The following FSTL5 variants were observed in gnomAD, a reference collection of about 807,000 sequenced individuals.
FSTL5 encodes the protein follistatin like 5.
In FSTL5, 62 loss-of-function variants were observed where a neutral mutation model predicts 89.1. The observed-to-expected ratio is 0.70, with a 90% CI of 0.57 to 0.86. The LOEUF is 0.86. FSTL5 is among the 40% of genes least tolerant of loss of function. The probability of loss-of-function intolerance (pLI) is 0.00; values close to 1 mark genes in which losing one functional copy is unlikely to be tolerated. For missense variants in FSTL5, 1,057 were observed against 1,001.6 expected (o/e 1.06, Z -0.75); for synonymous variants, 383 against 346.2 (o/e 1.11, Z -1.18).
rs79962750 is a variant in FSTL5, at chr4:161,520,606, T to G, written c.1313-10182A>C. On this transcript the variant is annotated intron_variant, in intron 10 of 15. Coordinates refer to ENST00000306100, the MANE Select transcript of FSTL5 (RefSeq NM_020116.5). ...AGTAAATATATCCTATACTCTACCA[T>G]ACCAACTAATTATATGTGGTTGGAA... 5.5e-3 allele frequency among the ~76,000 whole-genome samples: 830 copies of G among 152,248 alleles called. 10 individuals carry two copies. The highest frequency in any genetic ancestry group is 0.019 in the African/African-American group (808 of 41,564).
chr4:161,784,047 T>A (rs1741792774), intron 4 of FSTL5, among the ~76,000 whole-genome samples: 1 of 151,796 alleles, frequency 6.6e-6, no homozygotes, highest in African/African-American at 2.4e-5. Flanking sequence ...GCTATTCCCC[T>A]GCCTCAGCCT....
chr4:161,394,999 C>A (rs1404048986), intron 15 of FSTL5, among the ~76,000 whole-genome samples: 2 of 151,702 alleles, frequency 1.3e-5, no homozygotes, highest in Non-Finnish European at 2.9e-5. Context: ...TTGTAGATAC[C>A]AAATTTTAAA....
intron 3 of FSTL5, among the ~76,000 whole-genome samples, chr4:161,975,511 C>A (rs1283459882): frequency 6.8e-6 from 1 of 148,108 alleles, no homozygotes; most frequent in Non-Finnish European, 1.5e-5. Flanking sequence ...GAACAAAAAA[C>A]CAAACACCGC....
rs1166196100 is a variant in FSTL5, at chr4:161,779,807, ATATG to A, written c.410-3737_410-3734del. Among the ~76,000 whole-genome samples, 455 of 57,812 alleles carry A rather than the reference ATATG, an allele frequency of 7.9e-3. 6 individuals carry two copies. Among genetic ancestry groups the A allele is most frequent in the African/African-American group, 0.016 (109 of 6,716 alleles). The allele number at this position is 57,812 out of a possible 152,430, so 37.9% of individuals were successfully genotyped here. A position where few individuals can be genotyped will look rare whatever the true frequency, so the allele number is the denominator to read the frequency against. ...TATATATATATATATATATATATAT[ATATG>A]TATATATATATATATATATATATAT... On this transcript the variant is annotated intron_variant, in intron 4 of 15. Transcript: ENST00000306100.
At chr4:161,675,522 T>A (rs1164760038) in intron 6 of FSTL5, among the ~76,000 whole-genome samples, 3 of 148,076 alleles carry the variant, frequency 2.0e-5, no homozygotes, top group African/African-American at 7.4e-5. Context: ...ATATAATTCA[T>A]TTTTTATTTA....
chr4:161,674,440 C>T (rs1026847847), intron 6 of FSTL5, among the ~76,000 whole-genome samples: 1 of 152,130 alleles, frequency 6.6e-6, no homozygotes, highest in Non-Finnish European at 1.5e-5. Flanking sequence ...TTCCTCATTG[C>T]TGCCCTGGTC....
In FSTL5 at chr4:161,386,432, T is replaced by C; in HGVS notation, c.1859A>G (p.His620Arg). Residue 620 changes from histidine to arginine, a missense_variant, in exon 16 of 16, where the codon CAT becomes CGT. Physicochemically the swap from His to Arg is conservative, Grantham distance 29. This residue lies in a region of FSTL5 where 980 missense variants were observed against 903.2 expected (regional missense o/e 1.08). Coordinates refer to ENST00000306100, the MANE Select transcript of FSTL5 (RefSeq NM_020116.5). ...TTTTTGTAGTGCAGCTTCATCTTTA[T>C]GAAGAATAAATCCAAACCTGAAAAA... ...ITHMRFGFIL[H>R]KDEAALQKID... is the part of the protein sequence containing the mutation. 1 of 1,609,470 alleles carries C rather than the reference T, an allele frequency of 6.2e-7. No homozygotes were observed. Among genetic ancestry groups the C allele is most frequent in the Non-Finnish European group, 8.5e-7 (1 of 1,177,676 alleles).
chr4:162,026,317 T>TTTTTTTTTTTTTTTTTTTTTTTTTTTTTG (rs1472672707), intron 3 of FSTL5, among the ~76,000 whole-genome samples: 1 of 139,626 alleles, frequency 7.2e-6, no homozygotes. Flanking sequence ...TTTTTTTTTT[T>TTTTTTTTTTTTTTTTTTTTTTTTTTTTTG]TTCTTTTTGA....
At position 161,776,014 on chromosome 4, in the gene FSTL5, T is replaced by C. The variant is rs1462491602; in HGVS notation, c.470A>G (p.Asn157Ser). The C allele has an allele frequency of 6.3e-7, 1 of 1,597,428 alleles. No homozygotes were observed. Residue 157 changes from asparagine (N) to serine (S), a missense_variant, in exon 5 of 16, where the codon AAT becomes AGT. Asn to Ser is a conservative substitution (Grantham distance 46). Transcript: ENST00000306100. ...ATTTTCTTGCATAATATATTTTTGATTTTGTAAATCTAATAGCATATTTTT... is the reference window on the plus strand; with the variant it reads ...ATTTTCTTGCATAATATATTTTTGACTTTGTAAATCTAATAGCATATTTTT... ...KMKNMLLDLQ[N>S]QKYIMQENEN...
chr4:161,680,716 T>C (rs182148893), intron 6 of FSTL5, among the ~76,000 whole-genome samples: 179 of 152,000 alleles, frequency 1.2e-3, no homozygotes, highest in Admixed American at 3.7e-3. Flanking sequence ...TATATTTTTT[T>C]ATATGCCCTT....
intron 15 of FSTL5, among the ~76,000 whole-genome samples, chr4:161,429,763 C>G (rs4432710): frequency 0.048 from 7,235 of 152,112 alleles, 440 homozygotes; most frequent in East Asian, 0.19. Context: ...TACGAAGATC[C>G]CAGACTGTGA....
chr4:161,555,172 A>T (rs1035827202), intron 8 of FSTL5, among the ~76,000 whole-genome samples: 4 of 151,562 alleles, frequency 2.6e-5, no homozygotes, highest in Non-Finnish European at 5.9e-5. Flanking sequence ...CCTATTTATC[A>T]TATGACATTG....
At chr4:162,060,032 T>C (rs986474298) in intron 2 of FSTL5, among the ~76,000 whole-genome samples, 2 of 152,150 alleles carry the variant, frequency 1.3e-5, no homozygotes, top group Non-Finnish European at 2.9e-5. Context: ...AAACACATCA[T>C]GGGAGTCCTT....
chr4:162,037,332 T>C (rs1207390829), intron 2 of FSTL5, among the ~76,000 whole-genome samples: 5 of 151,898 alleles, frequency 3.3e-5, no homozygotes, highest in Admixed American at 2.6e-4. Context: ...TCTTGATTTA[T>C]TTTCTTTATG....
intron 2 of FSTL5, among the ~76,000 whole-genome samples, chr4:162,049,159 G>T (rs910372052): frequency 1.3e-5 from 2 of 152,126 alleles, no homozygotes; most frequent in Non-Finnish European, 2.9e-5. Context: ...AAACCTATGG[G>T]AAGATAAAAG....
intron 7 of FSTL5, among the ~76,000 whole-genome samples, chr4:161,640,409 A>G (rs1384600465): frequency 6.6e-6 from 1 of 152,200 alleles, no homozygotes; most frequent in Admixed American, 6.5e-5. Flanking sequence ...GAACTAAGGA[A>G]GATGTGAAGA....
intron 8 of FSTL5, among the ~76,000 whole-genome samples, chr4:161,558,142 C>G (rs751614637): frequency 2.6e-5 from 4 of 151,942 alleles, no homozygotes; most frequent in Non-Finnish European, 4.4e-5. Context: ...AAAACAATCC[C>G]AGAAGGATGT....
intron 2 of FSTL5, among the ~76,000 whole-genome samples, chr4:162,037,147 C>G (rs1737771969): frequency 6.6e-6 from 1 of 151,616 alleles, no homozygotes; most frequent in Non-Finnish European, 1.5e-5. Flanking sequence ...AAAGAAGAGA[C>G]AGCATGACTG....
At chr4:161,715,389 A>T (rs1738940073) in intron 6 of FSTL5, among the ~76,000 whole-genome samples, 1 of 151,734 alleles carries the variant, frequency 6.6e-6, no homozygotes, top group Non-Finnish European at 1.5e-5. Flanking sequence ...TTAATAACAT[A>T]CTCTTTTTGG....
Sources: allele counts gnomAD v4.1 joint callset (sites outside exome capture counted in the v4.1 genomes callset), GRCh38; gene constraint gnomAD v4.1.1; regional missense constraint gnomAD v4.1.1; transcripts MANE v1.5; gene names NCBI Gene and HGNC (gene_info 2026-07-23, HGNC 2026-07-21).